Variants in LRRC4C observed in about 807,000 individuals in gnomAD.
LRRC4C encodes the protein leucine-rich repeat-containing protein 4C.
A neutral mutation model predicts 33.6 loss-of-function variants in LRRC4C; 5 were observed. That is an observed-to-expected ratio of 0.15 (90% CI 0.08 to 0.31). The LOEUF (loss-of-function observed/expected upper bound fraction) is 0.31, where lower values mean the gene tolerates loss of function less well. Ranked by LOEUF, LRRC4C falls within the 10% of genes least tolerant of loss-of-function variation. The pLI is 1.00. For synonymous variants in LRRC4C, 329 were observed against 302.0 expected (o/e 1.09, Z -0.93); for missense variants, 560 against 796.7 (o/e 0.70, Z 3.58).
chr11:40,203,333 T>C (rs1357120154), intron 5 of LRRC4C, among the ~76,000 whole-genome samples: 2 of 152,190 alleles, frequency 1.3e-5, no homozygotes, highest in Admixed American at 1.3e-4. Flanking sequence ...TCTGAAAGCC[T>C]TTTAAGAGCA....
intron 1 of LRRC4C, among the ~76,000 whole-genome samples, chr11:41,001,132 A>T (rs1854346524): frequency 6.6e-6 from 1 of 152,028 alleles, no homozygotes; most frequent in South Asian, 2.1e-4. Flanking sequence ...TGACTGATTA[A>T]AAAAAAGATA....
At chr11:41,374,550 A>C (rs1390583891) in intron 1 of LRRC4C, among the ~76,000 whole-genome samples, 1 of 152,196 alleles carries the variant, frequency 6.6e-6, no homozygotes, top group Non-Finnish European at 1.5e-5. Context: ...TGCCAGTGTT[A>C]TTAATAAAAC....
At chr11:40,994,303 C>T (rs1431212553) in intron 1 of LRRC4C, among the ~76,000 whole-genome samples, 2 of 152,072 alleles carry the variant, frequency 1.3e-5, no homozygotes, top group African/African-American at 4.8e-5. Context: ...AAGTGAGGTG[C>T]AACATGATAT....
chr11:41,190,656 TTG>T (rs1316987668), intron 1 of LRRC4C, among the ~76,000 whole-genome samples: 1 of 152,118 alleles, frequency 6.6e-6, no homozygotes, highest in Non-Finnish European at 1.5e-5. Flanking sequence ...CTGCGTACAT[TTG>T]TGTTCGTCTA....
chr11:41,224,639 T>G (rs1266271879), intron 1 of LRRC4C, among the ~76,000 whole-genome samples: 1 of 152,224 alleles, frequency 6.6e-6, no homozygotes, highest in African/African-American at 2.4e-5. Flanking sequence ...AGACATGAAT[T>G]TGTATCCCAG....
intron 2 of LRRC4C, among the ~76,000 whole-genome samples, chr11:40,932,504 T>C (rs2136477256): frequency 6.6e-6 from 1 of 152,276 alleles, no homozygotes; most frequent in African/African-American, 2.4e-5. Flanking sequence ...AGAAACATGT[T>C]TGGTTTTAGT....
chr11:41,340,922 C>T (rs1438359341), intron 1 of LRRC4C, among the ~76,000 whole-genome samples: 2 of 152,132 alleles, frequency 1.3e-5, no homozygotes, highest in African/African-American at 4.8e-5. Context: ...TTGAGGATTC[C>T]AGAAGAAAGG....
chr11:40,299,880 A>G (rs374690534), intron 4 of LRRC4C, among the ~76,000 whole-genome samples: 3 of 152,340 alleles, frequency 2.0e-5, no homozygotes, highest in Admixed American at 6.5e-5. Context: ...AGCTACCTCA[A>G]TGTGGGGCCA....
At chr11:41,319,287 G>T (rs1050560306) in intron 1 of LRRC4C, among the ~76,000 whole-genome samples, 2 of 150,972 alleles carry the variant, frequency 1.3e-5, no homozygotes, top group African/African-American at 4.9e-5. Context: ...TTAATTAAAA[G>T]AAATTAAAAA....
chr11:40,381,700 C>T (rs1385951739), intron 3 of LRRC4C, among the ~76,000 whole-genome samples: 1 of 151,940 alleles, frequency 6.6e-6, no homozygotes, highest in Non-Finnish European at 1.5e-5. Flanking sequence ...CACCTCTATC[C>T]TGCTGATGGC....
chr11:41,045,805 A>T (rs2138049418), intron 1 of LRRC4C, among the ~76,000 whole-genome samples: 1 of 152,226 alleles, frequency 6.6e-6, no homozygotes, highest in East Asian at 1.9e-4. Context: ...TGAGTCCAAA[A>T]GCACCCTGTG....
chr11:41,406,727 C>T (rs1954253114), intron 1 of LRRC4C, among the ~76,000 whole-genome samples: 1 of 148,110 alleles, frequency 6.8e-6, no homozygotes, highest in Non-Finnish European at 1.5e-5. Flanking sequence ...CACACACACA[C>T]ACACACACAC....
intron 2 of LRRC4C, among the ~76,000 whole-genome samples, chr11:40,873,726 T>C (rs1193102741): frequency 6.6e-6 from 1 of 152,170 alleles, no homozygotes; most frequent in Non-Finnish European, 1.5e-5. Context: ...CTGATTTTAT[T>C]TTTCTCCTAC....
chr11:40,398,784 C>G (rs747109613), intron 3 of LRRC4C, among the ~76,000 whole-genome samples: 9 of 151,978 alleles, frequency 5.9e-5, no homozygotes, highest in Non-Finnish European at 1.2e-4. Context: ...AATGCACAGA[C>G]AGCAGAACAA....
chr11:41,216,086 C>T (rs1947050028), intron 1 of LRRC4C, among the ~76,000 whole-genome samples: 1 of 152,186 alleles, frequency 6.6e-6, no homozygotes, highest in Non-Finnish European at 1.5e-5. Flanking sequence ...AGATATTTTA[C>T]CTTCTTAAAG....
At chr11:41,243,765 G>A (rs1262235265) in intron 1 of LRRC4C, among the ~76,000 whole-genome samples, 1 of 152,100 alleles carries the variant, frequency 6.6e-6, no homozygotes, top group African/African-American at 2.4e-5. Context: ...AGAATTTGGA[G>A]AGCTGCTTTA....
chr11:40,436,495 G>A (rs901189761), intron 3 of LRRC4C, among the ~76,000 whole-genome samples: 2 of 152,112 alleles, frequency 1.3e-5, no homozygotes, highest in Non-Finnish European at 2.9e-5. Context: ...TCCAGTCTAG[G>A]CATACAAAGT....
rs925575388 is a variant in LRRC4C at position 40,770,774 on chromosome 11, C to T, written c.-406-122496G>A. ...GGCCCCATGCAAGTCCAAAATCTAGCGAGGTGGTCATTCAATCTTAAAGTT... is the reference window on the plus strand; with the variant it reads ...GGCCCCATGCAAGTCCAAAATCTAGTGAGGTGGTCATTCAATCTTAAAGTT... On this transcript the variant is annotated intron_variant, in intron 2 of 6. Coordinates refer to ENST00000528697, the MANE Select transcript of LRRC4C (RefSeq NM_001258419.2). Among the ~76,000 whole-genome samples, 14 of 152,290 alleles carry T rather than the reference C, an allele frequency of 9.2e-5. No homozygotes were observed. The East Asian group carries it at 2.3e-3, about 25-fold the overall frequency.
At chr11:40,259,274 T>C (rs1383600510) in intron 4 of LRRC4C, among the ~76,000 whole-genome samples, 1 of 152,028 alleles carries the variant, frequency 6.6e-6, no homozygotes, top group East Asian at 1.9e-4. Flanking sequence ...TTTTTTCTTG[T>C]AAATTTGTTT....
Sources: allele counts gnomAD v4.1 joint callset (sites outside exome capture counted in the v4.1 genomes callset), GRCh38; gene constraint gnomAD v4.1.1; transcripts MANE v1.5; gene names NCBI Gene and HGNC (gene_info 2026-07-23, HGNC 2026-07-21).